The following CATSPERB variants were observed in gnomAD, a reference collection of about 807,000 sequenced individuals.
CATSPERB encodes the protein catsper channel auxiliary subunit beta, also known as cation channel sperm-associated auxiliary subunit beta.
Under a neutral mutation model 128.3 loss-of-function variants are expected in CATSPERB, and 93 were observed. That is an observed-to-expected ratio of 0.72 (90% CI 0.61 to 0.86). The LOEUF (loss-of-function observed/expected upper bound fraction) is 0.86. Ranked by LOEUF, CATSPERB falls within the 40% of genes least tolerant of loss-of-function variation. The pLI is 0.00. For missense variants in CATSPERB, 1,153 were observed against 1,329.5 expected, an observed-to-expected ratio of 0.87 and a Z score of 2.06; for synonymous variants, 381 against 448.8, an observed-to-expected ratio of 0.85 and a Z score of 1.91.
rs1566705707 is a variant in CATSPERB, at chr14:91,617,878, T to C, written c.2261-142A>G. The C allele has an allele frequency of 5.6e-5, 34 of 605,784 alleles. No individual in the cohort carries two copies. The East Asian group carries it at 1.1e-3, about 20-fold the overall frequency. 37.5% of individuals were successfully genotyped at this position (605,784 alleles called of 1,614,324 possible). On this transcript the variant is annotated intron_variant, in intron 19 of 26. Coordinates refer to ENST00000256343, the MANE Select transcript of CATSPERB (RefSeq NM_024764.4). ...ATGACTGCACATACAGTTAGCAATT[T>C]ATATAGAGTCAACTTTAATAGTTCT...
chr14:91,704,747 A>C (rs765391980), intron 6 of CATSPERB, 46 bp from the exon 7 acceptor site: 1 of 1,578,422 alleles, frequency 6.3e-7, no homozygotes, highest in Admixed American at 1.8e-5. Flanking sequence ...AGCACCCTTG[A>C]AAATGGATGC....
At chr14:91,627,494 A>G (rs537207831) in intron 17 of CATSPERB, among the ~76,000 whole-genome samples, 2 of 152,322 alleles carry the variant, frequency 1.3e-5, no homozygotes, top group East Asian at 1.9e-4. Flanking sequence ...ATGAGTAGCT[A>G]AAAAGGGTAG....
chr14:91,683,245 A>G (rs1479113869), intron 11 of CATSPERB, among the ~76,000 whole-genome samples: 1 of 152,186 alleles, frequency 6.6e-6, no homozygotes, highest in Non-Finnish European at 1.5e-5. Flanking sequence ...GAACTCAAGA[A>G]TATTTCCAAC....
At chr14:91,620,357 C>G (rs1894019411) in intron 19 of CATSPERB, among the ~76,000 whole-genome samples, 1 of 152,084 alleles carries the variant, frequency 6.6e-6, no homozygotes, top group South Asian at 2.1e-4. Context: ...AAAGTTGTCT[C>G]ACTGCCTTAT....
At chr14:91,650,698 A>ATCCATCCT (rs1894690180) in intron 15 of CATSPERB, among the ~76,000 whole-genome samples, 2 of 151,254 alleles carry the variant, frequency 1.3e-5, no homozygotes, top group South Asian at 4.2e-4. Context: ...TTATCCATCC[A>ATCCATCCT]TCCATCCATC....
intron 7 of CATSPERB, among the ~76,000 whole-genome samples, chr14:91,701,233 A>G (rs1308313573): frequency 2.0e-5 from 3 of 152,188 alleles, no homozygotes; most frequent in East Asian, 3.9e-4. Context: ...AGGGAGGTAA[A>G]GTCTGAGTTC....
intron 9 of CATSPERB, among the ~76,000 whole-genome samples, chr14:91,692,893 A>G (rs1296427070): frequency 1.3e-5 from 2 of 152,224 alleles, no homozygotes; most frequent in African/African-American, 2.4e-5. Flanking sequence ...GCATGTATAC[A>G]TTTAAAACTT....
intron 11 of CATSPERB, among the ~76,000 whole-genome samples, chr14:91,674,636 T>C (rs1285651): frequency 0.36 from 55,132 of 151,946 alleles, 10,555 homozygotes; most frequent in Non-Finnish European, 0.41. Flanking sequence ...TACTTTGGAA[T>C]TTTGTTTCCC....
intron 6 of CATSPERB, among the ~76,000 whole-genome samples, 197 bp downstream of exon 6, chr14:91,707,944 T>G (rs1387176767): frequency 6.6e-6 from 1 of 152,058 alleles, no homozygotes; most frequent in Non-Finnish European, 1.5e-5. Context: ...TTGCAGATCT[T>G]TGTTAATAAT....
At chr14:91,617,779 T>C (rs201123693) in intron 19 of CATSPERB, 43 bp from the exon 20 acceptor site, 3 of 1,366,250 alleles carry the variant, frequency 2.2e-6, no homozygotes, top group Non-Finnish European at 3.1e-6. Context: ...TAATGAAAAC[T>C]GTAAACTCAA....
chr14:91,667,737 T>C (rs1437610262), intron 14 of CATSPERB, among the ~76,000 whole-genome samples: 1 of 151,712 alleles, frequency 6.6e-6, no homozygotes, highest in Non-Finnish European at 1.5e-5. Flanking sequence ...CACTAACCAG[T>C]CAGGGATAGT....
chr14:91,674,118 A>C lies in CATSPERB; in HGVS notation c.978+58T>G, dbSNP rs916097955. 1.0e-5 allele frequency: 10 copies of C among 964,234 alleles called. No individual in the cohort carries two copies. The African/African-American group carries it at 1.5e-4, about 15-fold the overall frequency. 59.7% of individuals were successfully genotyped at this position (964,234 alleles called of 1,614,324 possible). A position where few individuals can be genotyped will look rare whatever the true frequency, so the allele number is the denominator to read the frequency against. On this transcript the variant is annotated intron_variant, in intron 12 of 26. Coordinates refer to ENST00000256343, the MANE Select transcript of CATSPERB (RefSeq NM_024764.4). ...CCATTTTTTAGATTAATCCCAATCC[A>C]TGAAGTCCCCAATCCCACAACAAAA...
intron 15 of CATSPERB, among the ~76,000 whole-genome samples, chr14:91,652,228 T>C (rs563360800): frequency 6.6e-6 from 1 of 152,214 alleles, no homozygotes; most frequent in South Asian, 2.1e-4. Context: ...TAAAATCTTA[T>C]AGAAATCAGT....
intron 9 of CATSPERB, 150 bp downstream of exon 9, chr14:91,692,976 A>G: frequency 1.7e-6 from 1 of 601,216 alleles, no homozygotes; most frequent in Non-Finnish European, 2.9e-6. Context: ...GGTAAAGGAA[A>G]AAGTTACTGT....
chr14:91,722,811 T>C (rs1896055894), intron 4 of CATSPERB, among the ~76,000 whole-genome samples: 1 of 152,114 alleles, frequency 6.6e-6, no homozygotes, highest in Admixed American at 6.5e-5. Context: ...CAGGAAGGAA[T>C]GAAGGACAGT....
intron 3 of CATSPERB, among the ~76,000 whole-genome samples, chr14:91,724,289 C>A (rs2139781560): frequency 6.6e-6 from 1 of 152,294 alleles, no homozygotes; most frequent in East Asian, 1.9e-4. Context: ...CAAGACTGGA[C>A]CCCAGCTCTG....
chr14:91,720,390 G>T (rs1158664412), intron 4 of CATSPERB, among the ~76,000 whole-genome samples: 3 of 150,690 alleles, frequency 2.0e-5, no homozygotes, highest in Admixed American at 6.7e-5. Flanking sequence ...TAGCAAGGCT[G>T]CAGGATACTA....
At chr14:91,689,145 G>T (rs1895423411) in intron 10 of CATSPERB, among the ~76,000 whole-genome samples, 1 of 152,174 alleles carries the variant, frequency 6.6e-6, no homozygotes, top group South Asian at 2.1e-4. Flanking sequence ...TCAGGCACAG[G>T]GAGAATGCAG....
chr14:91,630,326 C>T (rs1285611), intron 17 of CATSPERB, among the ~76,000 whole-genome samples: 115,115 of 152,046 alleles, frequency 0.76, 43,964 homozygotes, highest in East Asian at 0.97. Flanking sequence ...TCTACATACA[C>T]CCTCCTCTGC....
Sources: gnomAD v4.1 joint callset for allele counts (sites outside exome capture counted in the v4.1 genomes callset) on GRCh38, gnomAD v4.1.1 for gene constraint, MANE v1.5 for transcripts, NCBI Gene and HGNC (gene_info 2026-07-23, HGNC 2026-07-21) for gene names.